Variants in TBC1D9 observed in about 807,000 individuals in gnomAD.
TBC1D9 encodes the protein TBC1 domain family member 9A.
In TBC1D9, 63 loss-of-function variants were observed where a neutral mutation model predicts 132.0. The observed-to-expected ratio is 0.48, with a 90% CI of 0.39 to 0.59. The LOEUF (loss-of-function observed/expected upper bound fraction) is 0.59. Among genes scored for constraint, TBC1D9 ranks in the 20% least tolerant of loss-of-function variants. The pLI is 0.00. For synonymous variants in TBC1D9, 610 were observed against 609.9 expected (o/e 1.00, Z 0.00); for missense variants, 1,261 against 1,592.7 (o/e 0.79, Z 3.54).
intron 1 of TBC1D9, among the ~76,000 whole-genome samples, chr4:140,721,956 C>G (rs555324274): frequency 6.6e-6 from 1 of 152,176 alleles, no homozygotes; most frequent in Non-Finnish European, 1.5e-5. Flanking sequence ...TTACCAGACT[C>G]CATGCCTAGC....
chr4:140,754,518 G>C (rs1315434250), intron 1 of TBC1D9, among the ~76,000 whole-genome samples: 3 of 148,824 alleles, frequency 2.0e-5, no homozygotes, highest in African/African-American at 7.4e-5. Flanking sequence ...AGGAGGCTGA[G>C]GCAGGAGAAT....
rs146543668 is a variant in TBC1D9 at position 140,625,502 on chromosome 4, C to T, written c.2900-1114G>A. Among the ~76,000 whole-genome samples the T allele has an allele frequency of 3.4e-3, 519 of 152,268 alleles. 2 individuals carry two copies. The highest frequency in any genetic ancestry group is 4.8e-3 in the Non-Finnish European group (324 of 68,024). ...CACTTCTTCAACCACCCAAAGCTGG[C>T]TGGTCAGACAGAGATGTGGCCTTTA... On this transcript the variant is annotated intron_variant, in intron 18 of 20. Coordinates refer to ENST00000442267, the MANE Select transcript of TBC1D9 (RefSeq NM_015130.3).
Position 140,659,166 on chromosome 4 carries a change from A to C in TBC1D9, c.1921+422T>G, listed in dbSNP as rs143139448. 7.2e-5 allele frequency among the ~76,000 whole-genome samples: 11 copies of C among 152,330 alleles called. No homozygotes were observed. The East Asian group carries it at 2.1e-3, about 29-fold the overall frequency. On this transcript the variant is annotated intron_variant, in intron 11 of 20. Coordinates refer to ENST00000442267, the MANE Select transcript of TBC1D9 (RefSeq NM_015130.3). Reference sequence around the variant, plus strand: ...AAACCAGTCCTGAAAAATACCTTAGAAACCTAGCTTTCAATAAACCTCTAT... The same window carrying C: ...AAACCAGTCCTGAAAAATACCTTAGCAACCTAGCTTTCAATAAACCTCTAT...
intron 1 of TBC1D9, among the ~76,000 whole-genome samples, chr4:140,737,819 C>T (rs934331344): frequency 6.6e-6 from 1 of 152,130 alleles, no homozygotes; most frequent in East Asian, 1.9e-4. Flanking sequence ...ATTAGGATAT[C>T]GGCTCTTAAT....
intron 1 of TBC1D9, among the ~76,000 whole-genome samples, chr4:140,705,419 T>C (rs1162743876): frequency 1.3e-5 from 2 of 152,190 alleles, no homozygotes; most frequent in African/African-American, 2.4e-5. Context: ...CAGGGTCTAA[T>C]TGATTATTTT....
intron 13 of TBC1D9, chr4:140,644,453 C>T (rs896361243): frequency 6.8e-6 from 2 of 295,784 alleles, no homozygotes; most frequent in South Asian, 2.8e-5. Context: ...GCGATGGCGG[C>T]GGGCTCACCG....
At chr4:140,642,197 G>T in intron 13 of TBC1D9, 1 of 749,840 alleles carries the variant, frequency 1.3e-6, no homozygotes, top group Non-Finnish European at 2.4e-6. Context: ...TAGCCGGAGG[G>T]GCCTTGGGCG....
At chr4:140,693,292 T>C (rs959163967) in intron 2 of TBC1D9, among the ~76,000 whole-genome samples, 1 of 152,190 alleles carries the variant, frequency 6.6e-6, no homozygotes, top group Non-Finnish European at 1.5e-5. Context: ...TGCTACACTT[T>C]GCTGCCTTCT....
chr4:140,659,816 G>A (rs1737329073), intron 10 of TBC1D9, 111 bp from the exon 11 acceptor site: 1 of 686,316 alleles, frequency 1.5e-6, no homozygotes, highest in South Asian at 2.1e-5. Context: ...CCTTTTCTGT[G>A]AAAAGCGAGA....
At chr4:140,637,421 G>T (rs1736898634) in intron 15 of TBC1D9, among the ~76,000 whole-genome samples, 1 of 151,478 alleles carries the variant, frequency 6.6e-6, no homozygotes. Flanking sequence ...AGCCAGCCCT[G>T]GTCCTCCTTC....
chr4:140,647,937 C>T (rs1169474647), intron 13 of TBC1D9, among the ~76,000 whole-genome samples: 1 of 151,974 alleles, frequency 6.6e-6, no homozygotes, highest in Non-Finnish European at 1.5e-5. Flanking sequence ...GTCTCTCCCT[C>T]CCCCGACTTT....
chr4:140,649,265 A>T (rs1737149902), intron 13 of TBC1D9, among the ~76,000 whole-genome samples: 1 of 152,254 alleles, frequency 6.6e-6, no homozygotes, highest in Non-Finnish European at 1.5e-5. Flanking sequence ...AAAAGAAGGC[A>T]TTGGTTCTAA....
rs1214415138 is a variant in TBC1D9, at chr4:140,704,225, C to A, written c.131-2611G>T. Reference sequence around the variant, plus strand: ...CCAGCCTGGCCAACATGGTGAACACCCTTCCCCATTAAAAATCCAAAAAAA... The same window carrying A: ...CCAGCCTGGCCAACATGGTGAACACACTTCCCCATTAAAAATCCAAAAAAA... On this transcript the variant is annotated intron_variant, in intron 1 of 20. Transcript: ENST00000442267. Among the ~76,000 whole-genome samples, 3 of 151,776 alleles carry A rather than the reference C, an allele frequency of 2.0e-5. No homozygotes were observed. The East Asian group carries it at 5.8e-4, about 29-fold the overall frequency.
chr4:140,646,468 C>G (rs1403625533), intron 13 of TBC1D9, among the ~76,000 whole-genome samples: 1 of 152,120 alleles, frequency 6.6e-6, no homozygotes, highest in Non-Finnish European at 1.5e-5. Context: ...ACAATGAATA[C>G]TTTTTTACTA....
chr4:140,684,288 C>A (rs1262277111), intron 3 of TBC1D9, among the ~76,000 whole-genome samples: 1 of 150,558 alleles, frequency 6.6e-6, no homozygotes, highest in African/African-American at 2.4e-5. Context: ...AAGAAATACA[C>A]AAAATGCTAC....
intron 16 of TBC1D9, among the ~76,000 whole-genome samples, chr4:140,631,380 GC>G (rs1353720442): frequency 6.6e-6 from 1 of 151,850 alleles, no homozygotes; most frequent in Admixed American, 6.6e-5. Context: ...CCACCAGTAC[GC>G]CCGGCTAATT....
intron 9 of TBC1D9, among the ~76,000 whole-genome samples, chr4:140,665,911 T>G (rs1274569256): frequency 6.6e-6 from 1 of 152,166 alleles, no homozygotes; most frequent in East Asian, 1.9e-4. Context: ...GTCAAACTCC[T>G]GGGCTCAAGT....
chr4:140,645,499 C>T (rs548660770), intron 13 of TBC1D9: 5 of 374,974 alleles, frequency 1.3e-5, no homozygotes, highest in African/African-American at 8.4e-5. Flanking sequence ...TTTAACTACC[C>T]CTAAGCCACT....
chr4:140,738,707 CA>C (rs995013634), intron 1 of TBC1D9, among the ~76,000 whole-genome samples: 1 of 152,186 alleles, frequency 6.6e-6, no homozygotes, highest in Non-Finnish European at 1.5e-5. Flanking sequence ...AACATTCATA[CA>C]AACAAGTCTT....
Sources: allele counts gnomAD v4.1 joint callset (sites outside exome capture counted in the v4.1 genomes callset), GRCh38; gene constraint gnomAD v4.1.1; transcripts MANE v1.5; gene names NCBI Gene and HGNC (gene_info 2026-07-23, HGNC 2026-07-21).